Variants in CNTNAP4 observed in about 807,000 individuals in gnomAD.
CNTNAP4 encodes contactin associated protein family member 4.
Under a neutral mutation model 148.4 loss-of-function variants are expected in CNTNAP4, and 98 were observed. That is an observed-to-expected ratio of 0.66 (90% CI 0.56 to 0.78). CNTNAP4 has a LOEUF of 0.78. Ranked by LOEUF, CNTNAP4 falls within the 30% of genes least tolerant of loss-of-function variation. The probability of loss-of-function intolerance (pLI) is 0.00; values close to 1 mark genes in which losing one functional copy is unlikely to be tolerated. For missense variants in CNTNAP4, 1,935 were observed against 1,565.6 expected (o/e 1.24, Z -3.98); for synonymous variants, 730 against 565.1 (o/e 1.29, Z -4.14).
At chr16:76,280,771 A>G (rs1239442734) in intron 1 of CNTNAP4, among the ~76,000 whole-genome samples, 2 of 152,156 alleles carry the variant, frequency 1.3e-5, no homozygotes, top group African/African-American at 4.8e-5. Flanking sequence ...CTTGCTACTA[A>G]GAGACATGCA....
chr16:76,310,581 A>G (rs1960992118), intron 1 of CNTNAP4, among the ~76,000 whole-genome samples: 1 of 152,136 alleles, frequency 6.6e-6, no homozygotes, highest in South Asian at 2.1e-4. Context: ...CTTCCTGTCA[A>G]AGGTCTCACC....
intron 12 of CNTNAP4, among the ~76,000 whole-genome samples, chr16:76,482,744 C>G: frequency 6.6e-6 from 1 of 152,326 alleles, no homozygotes; most frequent in East Asian, 1.9e-4. Flanking sequence ...CAATGAAGCT[C>G]TCCCGCCTGT....
chr16:76,463,820 G>A (rs2081075492), intron 9 of CNTNAP4, among the ~76,000 whole-genome samples: 1 of 151,990 alleles, frequency 6.6e-6, no homozygotes, highest in Non-Finnish European at 1.5e-5. Flanking sequence ...TGCTTCATGT[G>A]TATTATAATT....
intron 14 of CNTNAP4, among the ~76,000 whole-genome samples, chr16:76,495,961 T>C (rs2082386405): frequency 6.6e-6 from 1 of 152,060 alleles, no homozygotes; most frequent in Admixed American, 6.5e-5. Flanking sequence ...TCACATCAAC[T>C]AAACATCATT....
chr16:76,317,249 T>A, intron 2 of CNTNAP4, among the ~76,000 whole-genome samples: 1 of 100,544 alleles, frequency 9.9e-6, no homozygotes, highest in Admixed American at 1.4e-4. Context: ...TGAGACCCTG[T>A]CTCAAAAAAA....
chr16:76,539,116 A>G (rs74025041), intron 19 of CNTNAP4, among the ~76,000 whole-genome samples: 18,934 of 152,012 alleles, frequency 0.12, 2,423 homozygotes, highest in African/African-American at 0.31. Flanking sequence ...ATATTAGGGC[A>G]TTTTCTTTGT....
chr16:76,433,760 T>G (rs1262312027), intron 4 of CNTNAP4, among the ~76,000 whole-genome samples: 1 of 152,070 alleles, frequency 6.6e-6, no homozygotes, highest in African/African-American at 2.4e-5. Flanking sequence ...CAATACCTAT[T>G]TATTGAGCAA....
chr16:76,332,233 T>C (rs2144258825), intron 2 of CNTNAP4, among the ~76,000 whole-genome samples: 2 of 152,316 alleles, frequency 1.3e-5, no homozygotes, highest in South Asian at 4.1e-4. Flanking sequence ...GTGATTCATG[T>C]CTTTTATCAA....
intron 14 of CNTNAP4, among the ~76,000 whole-genome samples, chr16:76,495,626 GTTCT>G (rs60664463): frequency 0.78 from 118,055 of 151,604 alleles, 48,142 homozygotes; most frequent in East Asian, 0.96. Flanking sequence ...TTATGCATGT[GTTCT>G]TTGTCTGAAA....
chr16:76,471,056 A>C (rs1413143717), intron 10 of CNTNAP4, among the ~76,000 whole-genome samples: 1 of 152,080 alleles, frequency 6.6e-6, no homozygotes, highest in Non-Finnish European at 1.5e-5. Flanking sequence ...CAGACTTCTT[A>C]TATTCACATC....
At chr16:76,314,327 C>G (rs957346798) in intron 1 of CNTNAP4, among the ~76,000 whole-genome samples, 7 of 152,124 alleles carry the variant, frequency 4.6e-5, no homozygotes, top group Admixed American at 1.3e-4. Flanking sequence ...CAGTGCAAAG[C>G]AAAAGCAAGT....
intron 3 of CNTNAP4, among the ~76,000 whole-genome samples, chr16:76,411,071 T>A (rs1740697371): frequency 6.6e-6 from 1 of 151,460 alleles, no homozygotes; most frequent in Admixed American, 6.6e-5. Context: ...TTAATATACA[T>A]TAAATAATAT....
At chr16:76,294,572 A>G (rs530087363) in intron 1 of CNTNAP4, among the ~76,000 whole-genome samples, 1 of 152,252 alleles carries the variant, frequency 6.6e-6, no homozygotes, top group East Asian at 1.9e-4. Context: ...GAAACTAAAT[A>G]TGTTAAAAAA....
chr16:76,385,940 A>G (rs2016475039), intron 3 of CNTNAP4, among the ~76,000 whole-genome samples: 1 of 151,978 alleles, frequency 6.6e-6, no homozygotes, highest in African/African-American at 2.4e-5. Context: ...TTAAACAGGG[A>G]AATCACCAAA....
intron 3 of CNTNAP4, among the ~76,000 whole-genome samples, chr16:76,426,269 A>G (rs1022944219): frequency 6.6e-6 from 1 of 152,152 alleles, no homozygotes; most frequent in Non-Finnish European, 1.5e-5. Flanking sequence ...TGAATTAGAA[A>G]GAAAAACAGG....
At chr16:76,366,909 A>G (rs1261806557) in intron 3 of CNTNAP4, among the ~76,000 whole-genome samples, 3 of 152,202 alleles carry the variant, frequency 2.0e-5, no homozygotes, top group Non-Finnish European at 4.4e-5. Context: ...ATAATATTAT[A>G]AAGCTATTCA....
chr16:76,493,091 C>T (rs548100012), intron 13 of CNTNAP4, among the ~76,000 whole-genome samples: 42 of 152,072 alleles, frequency 2.8e-4, no homozygotes, highest in African/African-American at 9.2e-4. Flanking sequence ...GATTGGTGAC[C>T]TCATGATTCG....
At chr16:76,329,106 G>A (rs1050347563) in intron 2 of CNTNAP4, among the ~76,000 whole-genome samples, 14 of 152,180 alleles carry the variant, frequency 9.2e-5, no homozygotes, top group Non-Finnish European at 1.6e-4. Context: ...ATGTCAATAT[G>A]AAAAGAATAT....
At chr16:76,328,777 C>T (rs900659523) in intron 2 of CNTNAP4, among the ~76,000 whole-genome samples, 4 of 152,208 alleles carry the variant, frequency 2.6e-5, no homozygotes, top group African/African-American at 9.6e-5. Context: ...TCCTGAGTAG[C>T]TGGGACTACA....
Sources: allele counts gnomAD v4.1 joint callset (sites outside exome capture counted in the v4.1 genomes callset), GRCh38; gene constraint gnomAD v4.1.1; transcripts MANE v1.5; gene names NCBI Gene and HGNC (gene_info 2026-07-23, HGNC 2026-07-21).